The following C3orf52 variants were observed in gnomAD, a reference collection of about 807,000 sequenced individuals.
The protein encoded by C3orf52 is TPA-induced transmembrane protein.
A neutral mutation model predicts 24.8 loss-of-function variants in C3orf52; 22 were observed. The observed-to-expected ratio is 0.89, with a 90% CI of 0.63 to 1.27. The LOEUF (loss-of-function observed/expected upper bound fraction) is 1.27. C3orf52 is among the 50% of genes most tolerant of loss of function. C3orf52 has a pLI of 0.00. For missense variants in C3orf52, 265 were observed against 260.7 expected (o/e 1.02, Z -0.11); for synonymous variants, 93 against 100.2 (o/e 0.93, Z 0.43).
At chr3:112,125,332 A>G in intron 4 of C3orf52, 1 of 984,808 alleles carries the variant, frequency 1.0e-6, no homozygotes, top group East Asian at 2.4e-5. Flanking sequence ...GCTAGAATAT[A>G]AATAACTAAA....
Position 112,086,461 on chromosome 3 carries a change from C to T in C3orf52, c.54C>T (p.Leu18=). 7 of 1,551,470 alleles carry T rather than the reference C, an allele frequency of 4.5e-6. No homozygotes were observed. The highest frequency in any genetic ancestry group is 5.2e-6 in the Non-Finnish European group (6 of 1,146,826). The change falls in exon 1 of 6, where the codon CTC becomes CTT. Residue 18 remains leucine, a synonymous_variant. Coordinates refer to ENST00000264848, the MANE Select transcript of C3orf52 (RefSeq NM_024616.3). Reference sequence around the variant, plus strand: ...TAGACGAGCTGGAGCTCTCGGTGCTCGAGCGGCAGCCAGAAGAGAACACGC... The same window carrying T: ...TAGACGAGCTGGAGCTCTCGGTGCTTGAGCGGCAGCCAGAAGAGAACACGC... ...QPVDELELSV[L]ERQPEENTPL... is the part of the protein sequence containing the mutation.
chr3:112,108,769 A>G (rs1347844724), intron 3 of C3orf52, among the ~76,000 whole-genome samples: 2 of 152,244 alleles, frequency 1.3e-5, no homozygotes, highest in Admixed American at 1.3e-4. Context: ...CACAAATTAT[A>G]TTTTGTTATG....
At chr3:112,130,068 T>G (rs1190578771), downstream of C3orf52, 1 of 188,642 alleles carries the variant, frequency 5.3e-6, no homozygotes, top group Non-Finnish European at 1.1e-5. Context: ...ATGGGGCATG[T>G]GGTCACTTCA....
chr3:112,112,889 A>T, intron 4 of C3orf52, 75 bp from the exon 5 acceptor site: 56 of 1,188,948 alleles, frequency 4.7e-5, no homozygotes, highest in Non-Finnish European at 6.6e-5. Context: ...AAAAAAAAAA[A>T]GTTATTGCTT....
At chr3:112,093,639 G>T in intron 2 of C3orf52, 150 bp downstream of exon 2, 1 of 678,362 alleles carries the variant, frequency 1.5e-6, no homozygotes, top group Non-Finnish European at 2.3e-6. Flanking sequence ...ATGGGTGGGA[G>T]ATATGCCTGA....
chr3:112,131,234 C>T (rs1309717868), downstream of C3orf52, among the ~76,000 whole-genome samples: 2 of 152,082 alleles, frequency 1.3e-5, no homozygotes, highest in Non-Finnish European at 1.5e-5. Context: ...TCTGAGGATC[C>T]ACAGCCACTA....
chr3:112,119,602 G>C (rs961953641), downstream of C3orf52: 8 of 694,476 alleles, frequency 1.2e-5, no homozygotes, highest in Admixed American at 4.1e-5. Context: ...GTGAATTCTG[G>C]ACATGAATCC....
At chr3:112,113,232 A>G in intron 5 of C3orf52, 87 bp downstream of exon 5, 2 of 974,258 alleles carry the variant, frequency 2.1e-6, no homozygotes, top group East Asian at 2.6e-5. Flanking sequence ...CGATTTGGCA[A>G]CTGTGGTGAC....
At chr3:112,116,044 G>T (rs2074130683) in intron 5 of C3orf52, among the ~76,000 whole-genome samples, 2 of 152,134 alleles carry the variant, frequency 1.3e-5, no homozygotes, top group Admixed American at 1.3e-4. Flanking sequence ...ACATGGGAAG[G>T]AGTCAGCTAG....
downstream of C3orf52, chr3:112,119,585 T>C: frequency 1.4e-6 from 1 of 699,536 alleles, no homozygotes; most frequent in Non-Finnish European, 2.6e-6. Flanking sequence ...TCTTTTGTCT[T>C]TTACATGTGA....
At chr3:112,102,268 A>G (rs1422509878) in intron 2 of C3orf52, among the ~76,000 whole-genome samples, 1 of 152,196 alleles carries the variant, frequency 6.6e-6, no homozygotes, top group Non-Finnish European at 1.5e-5. Context: ...AGGTGAGTCA[A>G]TGCAGTTACT....
chr3:112,120,530 A>G (rs940230001), downstream of C3orf52, among the ~76,000 whole-genome samples: 2 of 152,224 alleles, frequency 1.3e-5, no homozygotes, highest in African/African-American at 4.8e-5. Context: ...GGAAACCACA[A>G]AGTCTGCAGT....
chr3:112,114,014 A>C (rs1330384468), intron 5 of C3orf52, among the ~76,000 whole-genome samples: 1 of 152,194 alleles, frequency 6.6e-6, no homozygotes, highest in African/African-American at 2.4e-5. Context: ...TCTCCACATG[A>C]GTAGGTTCTC....
intron 4 of C3orf52, chr3:112,123,397 A>AT: frequency 6.4e-7 from 1 of 1,573,018 alleles, no homozygotes; most frequent in Non-Finnish European, 8.6e-7. Flanking sequence ...CTTCAGGCAG[A>AT]TCCCCCATCC....
rs949921519 is a variant in C3orf52, at chr3:112,086,466, G to T, written c.59G>T (p.Arg20Leu). 5 of 1,551,314 alleles carry T rather than the reference G, an allele frequency of 3.2e-6. No homozygotes were observed. In the South Asian group the frequency reaches 4.8e-5, roughly 15 times the overall value. ...VDELELSVLE[R>L]QPEENTPLNG... ...GAGCTGGAGCTCTCGGTGCTCGAGC[G>T]GCAGCCAGAAGAGAACACGCCTCTC... Residue 20 changes from arginine to leucine, a missense_variant, in exon 1 of 6, where the codon CGG becomes CTG. Physicochemically the swap from Arg to Leu is moderately radical, Grantham distance 102. Coordinates refer to ENST00000264848, the MANE Select transcript of C3orf52 (RefSeq NM_024616.3).
At chr3:112,128,143 C>T in intron 4 of C3orf52, 2 of 1,308,304 alleles carry the variant, frequency 1.5e-6, no homozygotes, top group Non-Finnish European at 2.2e-6. Context: ...TTTGCCATTT[C>T]TGTGGAAAAC....
At chr3:112,112,747 G>A in intron 4 of C3orf52, 1 of 584,254 alleles carries the variant, frequency 1.7e-6, no homozygotes, top group Non-Finnish European at 3.2e-6. Flanking sequence ...TAGGTACTAG[G>A]TGGAAGGAGG....
downstream of C3orf52, chr3:112,133,184 G>T: frequency 6.4e-7 from 1 of 1,555,242 alleles, no homozygotes; most frequent in South Asian, 1.1e-5. Context: ...CTTGTGCTCT[G>T]ACAGGGCAAC....
chr3:112,109,727 C>A, intron 4 of C3orf52, 114 bp downstream of exon 4: 1 of 638,374 alleles, frequency 1.6e-6, no homozygotes, highest in Non-Finnish European at 2.8e-6. Context: ...ATGAAGGGAA[C>A]CTGTAATAGA....
Sources: gnomAD v4.1 joint callset for allele counts (sites outside exome capture counted in the v4.1 genomes callset) on GRCh38, gnomAD v4.1.1 for gene constraint, MANE v1.5 for transcripts, NCBI Gene and HGNC (gene_info 2026-07-23, HGNC 2026-07-21) for gene names.